Variants in C2orf49 observed in about 807,000 individuals in gnomAD.
C2orf49 encodes the protein tRNA splicing ligase complex subunit 2.
C2orf49 carries 11 observed loss-of-function variants against 20.6 expected under a neutral mutation model. That is an observed-to-expected ratio of 0.53 (90% CI 0.34 to 0.88). The LOEUF is 0.88. Among genes scored for constraint, C2orf49 ranks in the 40% least tolerant of loss-of-function variants. C2orf49 has a pLI of 0.02. For synonymous variants in C2orf49, 134 were observed against 108.5 expected (o/e 1.24, Z -1.46); for missense variants, 289 against 274.2 (o/e 1.05, Z -0.38).
At chr2:105,373,543 A>G in the C2orf49 span, 1,758 of 1,614,132 alleles carry the variant, frequency 1.1e-3, 22 homozygotes, top group African/African-American at 0.021. Context: ...CGCATGAGAA[A>G]GGAGTGCCTC....
intron 3 of C2orf49, 43 bp downstream of exon 3, chr2:105,343,266 G>C: frequency 2.6e-6 from 4 of 1,522,464 alleles, no homozygotes; most frequent in Non-Finnish European, 3.5e-6. Flanking sequence ...TGGTCTGAAT[G>C]AAACTTGAGC....
the C2orf49 span, chr2:105,367,830 G>T: frequency 1.0e-5 from 14 of 1,352,004 alleles, no homozygotes; most frequent in Admixed American, 1.1e-4. Context: ...CTGCCCTCTA[G>T]TTTTATGACC....
the C2orf49 span, among the ~76,000 whole-genome samples, chr2:105,373,351 C>G: frequency 6.6e-6 from 1 of 152,316 alleles, no homozygotes; most frequent in Admixed American, 6.5e-5. Flanking sequence ...GCCCCACGTG[C>G]ACAGCAAAAA....
At chr2:105,361,673 C>T in the C2orf49 span, among the ~76,000 whole-genome samples, 6 of 152,186 alleles carry the variant, frequency 3.9e-5, no homozygotes, top group African/African-American at 1.4e-4. Flanking sequence ...GGGATAAGTG[C>T]GATCAAAGAA....
the C2orf49 span, chr2:105,363,381 G>A: frequency 6.2e-7 from 1 of 1,614,060 alleles, no homozygotes; most frequent in Non-Finnish European, 8.5e-7. Flanking sequence ...GTGAAGCGCT[G>A]CCCAGACAGC....
chr2:105,337,577 T>G lies in C2orf49; in HGVS notation c.-11T>G. On this transcript the variant is annotated 5_prime_UTR_variant, in exon 1 of 4. Transcript: ENST00000258457. ...TTGTGGGTAGCCGACTGGGGTCTCCTGGCGACGACCATGGCGGGGGATGTG... is the reference window on the plus strand; with the variant it reads ...TTGTGGGTAGCCGACTGGGGTCTCCGGGCGACGACCATGGCGGGGGATGTG... 1 of 1,613,352 alleles carries G rather than the reference T, an allele frequency of 6.2e-7. No individual in the cohort carries two copies. Among genetic ancestry groups the G allele is most frequent in the Non-Finnish European group, 8.5e-7 (1 of 1,179,946 alleles).
At chr2:105,340,308 C>T (rs1679632430) in intron 2 of C2orf49, among the ~76,000 whole-genome samples, 1 of 152,172 alleles carries the variant, frequency 6.6e-6, no homozygotes, top group South Asian at 2.1e-4. Context: ...AGAGTGGTGA[C>T]ATCATTAGAT....
the C2orf49 span, among the ~76,000 whole-genome samples, chr2:105,371,187 C>T: frequency 6.6e-6 from 1 of 152,028 alleles, no homozygotes; most frequent in Admixed American, 6.6e-5. Flanking sequence ...GGCTCTGGTA[C>T]CCAGTTGTTT....
At chr2:105,344,932 G>A (rs1299970744) in intron 3 of C2orf49, among the ~76,000 whole-genome samples, 1 of 152,084 alleles carries the variant, frequency 6.6e-6, no homozygotes, top group African/African-American at 2.4e-5. Context: ...AGATAGGCTG[G>A]ACAGGGAGAA....
chr2:105,352,691 G>A (rs1480264656), downstream of C2orf49, among the ~76,000 whole-genome samples: 1 of 151,894 alleles, frequency 6.6e-6, no homozygotes, highest in African/African-American at 2.4e-5. Context: ...TGATCTGCCC[G>A]TCTCGGCCTC....
chr2:105,357,856 G>A, the C2orf49 span: 1 of 152,070 alleles, frequency 6.6e-6, no homozygotes, highest in Admixed American at 6.5e-5. Flanking sequence ...ACACATTTAT[G>A]TGTTCAGCCA....
chr2:105,361,367 C>T, the C2orf49 span: 1 of 1,614,188 alleles, frequency 6.2e-7, no homozygotes, highest in Non-Finnish European at 8.5e-7. Context: ...GGGAGCACTT[C>T]TTACAGTTAA....
downstream of C2orf49, among the ~76,000 whole-genome samples, chr2:105,353,062 C>G (rs952424599): frequency 6.6e-6 from 1 of 152,064 alleles, no homozygotes; most frequent in African/African-American, 2.4e-5. Flanking sequence ...GAGGGTTATC[C>G]CATGGCAGAA....
the C2orf49 span, among the ~76,000 whole-genome samples, chr2:105,373,321 C>G: frequency 6.6e-6 from 1 of 152,196 alleles, no homozygotes; most frequent in Non-Finnish European, 1.5e-5. Flanking sequence ...CTTACTCTAA[C>G]AATTTGACTG....
the C2orf49 span, among the ~76,000 whole-genome samples, chr2:105,356,614 A>ATTTT: frequency 2.6e-5 from 4 of 152,314 alleles, no homozygotes. Context: ...AGTGGGCAGA[A>ATTTT]TTTAGCCCAG....
rs980119693 is a variant in C2orf49 at position 105,347,267 on chromosome 2, A to G, written c.*1896A>G. Reference sequence around the variant, plus strand: ...GGTGGGCAACTGTGATCCTATACATACATATATGCAAAAGGGGATTTTAAA... The same window carrying G: ...GGTGGGCAACTGTGATCCTATACATGCATATATGCAAAAGGGGATTTTAAA... On this transcript the variant is annotated 3_prime_UTR_variant, in exon 4 of 4. Transcript: ENST00000258457. 2.6e-5 allele frequency: 4 copies of G among 152,204 alleles called. No individual in the cohort carries two copies. The highest frequency in any genetic ancestry group is 9.6e-5 in the African/African-American group (4 of 41,452). 9.4% of individuals were successfully genotyped at this position (152,204 alleles called of 1,614,324 possible). A position where few individuals can be genotyped will look rare whatever the true frequency, so the allele number is the denominator to read the frequency against.
rs1205172367 is a variant in C2orf49 at position 105,346,269 on chromosome 2, A to G, written c.*898A>G. 4 of 152,202 alleles carry G rather than the reference A, an allele frequency of 2.6e-5. No individual in the cohort carries two copies. The highest frequency in any genetic ancestry group is 9.6e-5 in the African/African-American group (4 of 41,452). The allele number at this position is 152,202 out of a possible 1,614,324, so 9.4% of individuals were successfully genotyped here. A position where few individuals can be genotyped will look rare whatever the true frequency, so the allele number is the denominator to read the frequency against. The stretch of plus-strand genomic sequence containing the variant: ...TTAATTGCTTACATTGCTTCTTCCC[A>G]TAAAAAGCAAAAAGGAATCAGTGCT... On this transcript the variant is annotated 3_prime_UTR_variant, in exon 4 of 4. Transcript: ENST00000258457.
the C2orf49 span, chr2:105,361,138 T>G: frequency 1.2e-6 from 1 of 804,312 alleles, no homozygotes; most frequent in South Asian, 1.8e-5. Context: ...CTAAAGGGTT[T>G]AAGCAAACGT....
Position 105,337,688 on chromosome 2 carries a change from T to G in C2orf49, c.99+2T>G. On this transcript the variant is annotated splice_donor_variant, in intron 1 of 3. Coordinates refer to ENST00000258457, the MANE Select transcript of C2orf49 (RefSeq NM_024093.3). LOFTEE classifies it high-confidence loss of function. Reference sequence around the variant, plus strand: ...TTCCTTCTCCTCACTCTGGAGCAGGTTGGGCGCGCCGGATCGGAGGGTGGG... The same window carrying G: ...TTCCTTCTCCTCACTCTGGAGCAGGGTGGGCGCGCCGGATCGGAGGGTGGG... The G allele has an allele frequency of 9.4e-6, 3 of 320,678 alleles. No homozygotes were observed. The South Asian group carries it at 1.4e-4, about 15-fold the overall frequency. The allele number at this position is 320,678 out of a possible 1,614,324, so 19.9% of individuals were successfully genotyped here.
Sources: gnomAD v4.1 joint callset for allele counts (sites outside exome capture counted in the v4.1 genomes callset) on GRCh38, gnomAD v4.1.1 for gene constraint, MANE v1.5 for transcripts, NCBI Gene and HGNC (gene_info 2026-07-23, HGNC 2026-07-21) for gene names.